The following TTC23 variants were observed in gnomAD, a reference collection of about 807,000 sequenced individuals.
TTC23 encodes tetratricopeptide repeat protein 23.
Under a neutral mutation model 55.1 loss-of-function variants are expected in TTC23, and 58 were observed. The observed-to-expected ratio is 1.05, with a 90% CI of 0.85 to 1.31. The LOEUF is 1.31. Ranked by LOEUF, TTC23 falls within the 50% of genes most tolerant of loss-of-function variation. TTC23 has a pLI of 0.00. For synonymous variants in TTC23, 203 were observed against 199.9 expected (o/e 1.02, Z -0.13); for missense variants, 516 against 534.4 (o/e 0.97, Z 0.34).
chr15:99,198,261 C>G (rs1237405047), intron 9 of TTC23, among the ~76,000 whole-genome samples: 1 of 152,180 alleles, frequency 6.6e-6, no homozygotes, highest in East Asian at 1.9e-4. Flanking sequence ...TGCCATCTCT[C>G]CATCACCCAG....
At chr15:99,209,419 G>A (rs1386986160) in intron 8 of TTC23, among the ~76,000 whole-genome samples, 1 of 152,202 alleles carries the variant, frequency 6.6e-6, no homozygotes, top group East Asian at 1.9e-4. Flanking sequence ...GCTTTGCTCT[G>A]TTGAATGCAT....
At chr15:99,144,560 T>C (rs1555492044) in intron 12 of TTC23, 1 of 152,192 alleles carries the variant, frequency 6.6e-6, no homozygotes, top group Non-Finnish European at 1.5e-5. Flanking sequence ...TTGAGGAATT[T>C]CAGATGATGA....
intron 3 of TTC23, among the ~76,000 whole-genome samples, chr15:99,239,726 G>A (rs776771539): frequency 4.6e-5 from 7 of 152,146 alleles, no homozygotes; most frequent in Non-Finnish European, 7.3e-5. Context: ...CTGCAGTCTA[G>A]GGAAAGAGCA....
chr15:99,152,052 G>A (rs1435719600), intron 12 of TTC23, among the ~76,000 whole-genome samples: 2 of 152,170 alleles, frequency 1.3e-5, no homozygotes, highest in Non-Finnish European at 2.9e-5. Flanking sequence ...GGGCCTGGTG[G>A]GAGGTGACTG....
chr15:99,233,622 C>A (rs1307294184), intron 4 of TTC23, among the ~76,000 whole-genome samples: 2 of 152,190 alleles, frequency 1.3e-5, no homozygotes, highest in Middle Eastern at 6.8e-3. Context: ...TTTGAAAAAC[C>A]TACAGCTAAC....
chr15:99,165,898 G>A (rs2072005239), intron 10 of TTC23, among the ~76,000 whole-genome samples: 1 of 152,206 alleles, frequency 6.6e-6, no homozygotes, highest in Non-Finnish European at 1.5e-5. Flanking sequence ...AATGAAGATA[G>A]TCAGGAGTGG....
At chr15:99,191,457 C>G (rs1376380052) in intron 9 of TTC23, among the ~76,000 whole-genome samples, 1 of 152,206 alleles carries the variant, frequency 6.6e-6, no homozygotes, top group Non-Finnish European at 1.5e-5. Flanking sequence ...TTATCACTTA[C>G]ATGGTTTGGC....
intron 12 of TTC23, among the ~76,000 whole-genome samples, chr15:99,155,103 C>T (rs377625218): frequency 2.0e-5 from 3 of 151,902 alleles, no homozygotes; most frequent in African/African-American, 7.3e-5. Context: ...AAGAATTAAG[C>T]AATTAGCAGG....
At chr15:99,162,603 T>C (rs1596333865) in intron 10 of TTC23, among the ~76,000 whole-genome samples, 1 of 152,018 alleles carries the variant, frequency 6.6e-6, no homozygotes, top group East Asian at 1.9e-4. Flanking sequence ...TGAGGCTCAT[T>C]TGTGGTGGAA....
intron 12 of TTC23, chr15:99,148,765 T>C (rs1007699383): frequency 1.3e-5 from 2 of 152,250 alleles, no homozygotes; most frequent in Non-Finnish European, 2.9e-5. Context: ...GTTTCTATGT[T>C]GTACAAGTAG....
intron 11 of TTC23, chr15:99,158,985 CAACATGGGCGGTATCT>C (rs2070995793): frequency 6.6e-6 from 1 of 152,324 alleles, no homozygotes; most frequent in Admixed American, 6.5e-5. Context: ...TGGTCCTCTC[CAACATGGGCGGTATCT>C]ACCTGAGGAA....
At chr15:99,240,536 T>C (rs2079688126) in intron 3 of TTC23, among the ~76,000 whole-genome samples, 1 of 152,336 alleles carries the variant, frequency 6.6e-6, no homozygotes, top group Non-Finnish European at 1.5e-5. Context: ...CCACAGGCAA[T>C]AATCAGCTAG....
intron 13 of TTC23, among the ~76,000 whole-genome samples, chr15:99,138,877 C>T (rs1421877243): frequency 6.6e-6 from 1 of 152,248 alleles, no homozygotes; most frequent in African/African-American, 2.4e-5. Context: ...GGTAGGCCCT[C>T]CACGGCAGAG....
chr15:99,181,940 C>A (rs898330815), intron 9 of TTC23, among the ~76,000 whole-genome samples: 6 of 152,070 alleles, frequency 3.9e-5, no homozygotes, highest in Non-Finnish European at 8.8e-5. Context: ...CTCCAAAGAG[C>A]TGGGGAGAAA....
intron 8 of TTC23, among the ~76,000 whole-genome samples, chr15:99,217,163 C>CT (rs5814928): frequency 0.46 from 68,165 of 147,764 alleles, 15,596 homozygotes; most frequent in Middle Eastern, 0.6. Context: ...TTTTTCTCTT[C>CT]TTTTTTTTTT....
intron 10 of TTC23, among the ~76,000 whole-genome samples, chr15:99,170,378 T>G (rs1460117130): frequency 6.6e-6 from 1 of 152,016 alleles, no homozygotes; most frequent in Non-Finnish European, 1.5e-5. Flanking sequence ...AAGGGAGAAA[T>G]TTTTCTCATT....
intron 2 of TTC23, among the ~76,000 whole-genome samples, chr15:99,244,360 A>G (rs1456503543): frequency 1.3e-5 from 2 of 152,204 alleles, no homozygotes; most frequent in African/African-American, 4.8e-5. Context: ...ATCAGCTGAC[A>G]TAACCCTCTA....
At chr15:99,158,918 T>C (rs1329599040) in intron 11 of TTC23, 1 of 152,294 alleles carries the variant, frequency 6.6e-6, no homozygotes, top group African/African-American at 2.4e-5. Flanking sequence ...GCTGGGCAGG[T>C]GGTGCCACAC....
chr15:99,242,373 G>T (rs897027544), intron 2 of TTC23, among the ~76,000 whole-genome samples: 1 of 151,918 alleles, frequency 6.6e-6, no homozygotes, highest in African/African-American at 2.4e-5. Flanking sequence ...TTTATACAAG[G>T]TTAAGCCCAG....
Sources: gnomAD v4.1 joint callset for allele counts (sites outside exome capture counted in the v4.1 genomes callset) on GRCh38, gnomAD v4.1.1 for gene constraint, MANE v1.5 for transcripts, NCBI Gene and HGNC (gene_info 2026-07-23, HGNC 2026-07-21) for gene names.